Variants in SHROOM2 observed in about 807,000 individuals in gnomAD.
SHROOM2 encodes protein Shroom2.
In SHROOM2, 33 loss-of-function variants were observed where a neutral mutation model predicts 75.9. The ratio of observed to expected loss-of-function variants is 0.43; its 90% confidence interval spans 0.33 to 0.58. The LOEUF is 0.58. Among genes scored for constraint, SHROOM2 ranks in the 20% least tolerant of loss-of-function variants. SHROOM2 has a pLI of 0.04. For missense variants in SHROOM2, 1,434 were observed against 1,461.2 expected, an observed-to-expected ratio of 0.98 and a Z score of 0.30; for synonymous variants, 655 against 663.6, an observed-to-expected ratio of 0.99 and a Z score of 0.20.
intron 3 of SHROOM2, among the ~76,000 whole-genome samples, chrX:9,891,868 GGT>G (rs113988652): frequency 0.18 from 18,246 of 103,569 alleles, 1,381 homozygotes; most frequent in East Asian, 0.36. Context: ...GAGCATGTTT[GGT>G]GTGTGTGTGT....
chrX:9,853,581 G>A (rs747954770), intron 1 of SHROOM2, among the ~76,000 whole-genome samples: 2 of 111,180 alleles, frequency 1.8e-5, no homozygotes, highest in African/African-American at 3.3e-5. Context: ...CTCTGCTTCC[G>A]TCTCCACATA....
At chrX:9,825,277 T>C (rs1052411709) in intron 1 of SHROOM2, among the ~76,000 whole-genome samples, 5 of 112,459 alleles carry the variant, frequency 4.4e-5, no homozygotes, top group African/African-American at 6.5e-5. Flanking sequence ...GCCAGCTTCC[T>C]GCACTGGGGT....
chrX:9,849,848 G>A (rs1297203166), intron 1 of SHROOM2, among the ~76,000 whole-genome samples: 1 of 112,200 alleles, frequency 8.9e-6, no homozygotes, highest in Non-Finnish European at 1.9e-5. Flanking sequence ...AGTTTAAAAG[G>A]CATCAAAATA....
At chrX:9,857,697 C>T (rs1159431363) in intron 1 of SHROOM2, among the ~76,000 whole-genome samples, 1 of 111,639 alleles carries the variant, frequency 9.0e-6, no homozygotes, top group African/African-American at 3.3e-5. Flanking sequence ...CGTGCTTTCA[C>T]TTAGTTTTAA....
intron 5 of SHROOM2, among the ~76,000 whole-genome samples, chrX:9,927,574 G>A (rs533657060): frequency 4.5e-5 from 5 of 110,962 alleles, no homozygotes; most frequent in Middle Eastern, 4.6e-3. Flanking sequence ...GTCCTTTCAC[G>A]GAGAACTTAA....
chrX:9,817,829 T>G (rs1385501865), intron 1 of SHROOM2, among the ~76,000 whole-genome samples: 1 of 111,987 alleles, frequency 8.9e-6, no homozygotes, highest in African/African-American at 3.2e-5. Context: ...TACCTAACAA[T>G]ATCTAGCAGC....
At chrX:9,838,162 G>A (rs768134696) in intron 1 of SHROOM2, among the ~76,000 whole-genome samples, 2 of 102,355 alleles carry the variant, frequency 2.0e-5, no homozygotes, top group South Asian at 5.1e-4. Flanking sequence ...CCGGGTTCAC[G>A]CCATTCTTCT....
At chrX:9,888,069 C>T (rs917054829) in intron 2 of SHROOM2, among the ~76,000 whole-genome samples, 11 of 113,125 alleles carry the variant, frequency 9.7e-5, no homozygotes, top group African/African-American at 3.5e-4. Flanking sequence ...TCAGTGGCTA[C>T]ACCCGGGATT....
At chrX:9,864,411 A>G (rs1000664767) in intron 1 of SHROOM2, among the ~76,000 whole-genome samples, 10 of 111,601 alleles carry the variant, frequency 9.0e-5, no homozygotes, top group Admixed American at 6.7e-4. Context: ...GCTCACACCT[A>G]TAATACCAAC....
intron 1 of SHROOM2, chrX:9,818,638 T>G: frequency 2.9e-6 from 1 of 344,681 alleles, no homozygotes; most frequent in Non-Finnish European, 5.3e-6. Context: ...GGTGCCTGTA[T>G]TTCTTATGTG....
Position 9,932,215 on chromosome X carries a change from C to T in SHROOM2, c.2932C>T (p.Gln978Ter). Residue 978 changes from glutamine to a stop codon, truncating the protein, a stop_gained, in exon 6 of 10, where the codon CAG becomes TAG. Coordinates refer to ENST00000380913, the MANE Select transcript of SHROOM2 (RefSeq NM_001649.4). LOFTEE classifies it high-confidence loss of function. ...AQCREGSPGS[Q>*]QHPPSQKAPN... Reference sequence around the variant, plus strand: ...GTGTCGGGAAGGCAGCCCAGGATCACAGCAGCACCCACCGAGTCAGAAGGC... The same window carrying T: ...GTGTCGGGAAGGCAGCCCAGGATCATAGCAGCACCCACCGAGTCAGAAGGC... The T allele has an allele frequency of 8.6e-7, 1 of 1,156,897 alleles. No homozygotes were observed. The highest frequency in any genetic ancestry group is 1.2e-6 in the Non-Finnish European group (1 of 867,996).
chrX:9,814,401 C>T (rs2083807729), intron 1 of SHROOM2, among the ~76,000 whole-genome samples: 2 of 111,697 alleles, frequency 1.8e-5, no homozygotes, highest in South Asian at 7.6e-4. Flanking sequence ...CATGCCTGTT[C>T]TCCAAGATTT....
At position 9,944,911 on chromosome X, in the gene SHROOM2, C is replaced by G. The variant is rs996021398; in HGVS notation, c.4582C>G (p.Arg1528Gly). Residue 1528 changes from arginine to glycine, a missense_variant and splice_region_variant, in exon 9 of 10, where the codon CGG becomes GGG. Coordinates refer to ENST00000380913, the MANE Select transcript of SHROOM2 (RefSeq NM_001649.4). The stretch of plus-strand genomic sequence containing the variant: ...GGACGACGGCGCTTCTCCCGGTGAT[C>G]GGGTAAATGCAGATACGTCTGACTT... ...NLDDGASPGD[R>G]QSLLEKQRVL... 8.4e-7 allele frequency: 1 copy of G among 1,195,495 alleles called. No individual in the cohort carries two copies. Among genetic ancestry groups the G allele is most frequent in the Non-Finnish European group, 1.1e-6 (1 of 886,381 alleles).
intron 1 of SHROOM2, among the ~76,000 whole-genome samples, chrX:9,789,664 G>T (rs765844347): frequency 9.0e-6 from 1 of 111,170 alleles, no homozygotes; most frequent in East Asian, 2.8e-4. Flanking sequence ...AAAGCTGTTT[G>T]GGGGATTCAT....
intron 1 of SHROOM2, among the ~76,000 whole-genome samples, chrX:9,834,707 A>C (rs901245525): frequency 1.8e-5 from 2 of 111,067 alleles, no homozygotes; most frequent in African/African-American, 6.5e-5. Flanking sequence ...AAATAAAAAG[A>C]GCATCTCACT....
At chrX:9,862,841 G>A (rs2084112001) in intron 1 of SHROOM2, among the ~76,000 whole-genome samples, 1 of 112,577 alleles carries the variant, frequency 8.9e-6, no homozygotes, top group Admixed American at 9.4e-5. Flanking sequence ...TGTTGCAACA[G>A]GTTGTCTTCA....
rs780834124 is a variant in SHROOM2, at chrX:9,939,223, G to A, written c.4168G>A (p.Val1390Met). The change falls in exon 8 of 10, where the codon GTG (valine) becomes ATG (methionine). Residue 1390 changes from valine (V) to methionine (M), a missense_variant. Val to Met is a conservative substitution (Grantham distance 21). This residue lies in a region of SHROOM2 where 1,340 missense variants were observed against 1,338.3 expected (regional missense o/e 1.00). Coordinates refer to ENST00000380913, the MANE Select transcript of SHROOM2 (RefSeq NM_001649.4). ...RKEEPSVPAA[V>M]SLATNSTYYS... The stretch of plus-strand genomic sequence containing the variant: ...AGAGGAGCCCAGCGTGCCTGCGGCC[G>A]TGTCCCTGGCCACCAATTCTACCTA... 3.6e-5 allele frequency: 44 copies of A among 1,207,025 alleles called. No homozygotes were observed. In the East Asian group the frequency reaches 9.5e-4, roughly 26 times the overall value.
chrX:9,909,032 C>G (rs2084406936), intron 5 of SHROOM2, among the ~76,000 whole-genome samples: 1 of 111,442 alleles, frequency 9.0e-6, no homozygotes, highest in Non-Finnish European at 1.9e-5. Context: ...AACTTGTTTT[C>G]TAAGGCTTTT....
At chrX:9,845,102 C>T (rs1311216855) in intron 1 of SHROOM2, among the ~76,000 whole-genome samples, 3 of 111,951 alleles carry the variant, frequency 2.7e-5, no homozygotes, top group Admixed American at 1.9e-4. Context: ...AGGAAGCAGC[C>T]ACAGCCAGTG....
Sources: gnomAD v4.1 joint callset for allele counts (sites outside exome capture counted in the v4.1 genomes callset) on GRCh38, gnomAD v4.1.1 for gene constraint, gnomAD v4.1.1 regional missense constraint, MANE v1.5 for transcripts, NCBI Gene and HGNC (gene_info 2026-07-23, HGNC 2026-07-21) for gene names.